The following AGBL1 variants were observed in gnomAD, a reference collection of about 807,000 sequenced individuals.
The protein encoded by AGBL1 is AGBL carboxypeptidase 1.
Under a neutral mutation model 118.9 loss-of-function variants are expected in AGBL1, and 130 were observed. The observed-to-expected ratio is 1.09, with a 90% CI of 0.95 to 1.26. AGBL1 has a LOEUF of 1.26. Ranked by LOEUF, AGBL1 falls within the 50% of genes most tolerant of loss-of-function variation. The pLI, the probability that AGBL1 is intolerant of heterozygous loss-of-function variation, is 0.00. For missense variants in AGBL1, 1,584 were observed against 1,298.1 expected (o/e 1.22, Z -3.38); for synonymous variants, 555 against 478.9 (o/e 1.16, Z -2.08).
intron 18 of AGBL1, among the ~76,000 whole-genome samples, chr15:86,433,266 CTTTTTTTTTT>C (rs59417397): frequency 8.4e-4 from 63 of 74,898 alleles, no homozygotes; most frequent in African/African-American, 1.7e-3. Context: ...CCTCCTTCTT[CTTTTTTTTTT>C]TTTTTTTTTT....
At chr15:86,112,671 C>T (rs1178016449) in intron 1 of AGBL1, among the ~76,000 whole-genome samples, 2 of 152,280 alleles carry the variant, frequency 1.3e-5, no homozygotes, top group South Asian at 2.1e-4. Context: ...ATTTCTAAAT[C>T]GCCAATCCAG....
intron 21 of AGBL1, among the ~76,000 whole-genome samples, chr15:86,658,058 C>CAT (rs929055206): frequency 2.0e-4 from 31 of 151,466 alleles, no homozygotes; most frequent in African/African-American, 7.0e-4. Flanking sequence ...ATTGTATATG[C>CAT]ATATATATAT....
intron 21 of AGBL1, among the ~76,000 whole-genome samples, chr15:86,663,169 C>T (rs569138356): frequency 1.8e-4 from 28 of 152,274 alleles, no homozygotes; most frequent in South Asian, 2.1e-4. Flanking sequence ...ACTTCTCTAT[C>T]CTATTCTTCC....
At chr15:86,581,076 A>C (rs1314554229) in intron 21 of AGBL1, among the ~76,000 whole-genome samples, 6 of 152,154 alleles carry the variant, frequency 3.9e-5, no homozygotes, top group Non-Finnish European at 8.8e-5. Flanking sequence ...CCAAAAGGGG[A>C]GTTACTAAGT....
chr15:86,954,525 A>C (rs987043610), intron 23 of AGBL1, among the ~76,000 whole-genome samples: 1 of 152,172 alleles, frequency 6.6e-6, no homozygotes, highest in East Asian at 1.9e-4. Flanking sequence ...TGGATGCCAT[A>C]ATCCTAAGTG....
chr15:86,994,017 G>A (rs573792427), intron 24 of AGBL1, among the ~76,000 whole-genome samples: 5 of 152,114 alleles, frequency 3.3e-5, no homozygotes, highest in East Asian at 3.9e-4. Context: ...ACGTCACAAC[G>A]CTTCATTCAG....
intron 21 of AGBL1, among the ~76,000 whole-genome samples, chr15:86,618,145 A>G (rs1490189081): frequency 1.3e-5 from 2 of 152,212 alleles, no homozygotes; most frequent in African/African-American, 2.4e-5. Flanking sequence ...TTTAATTCCA[A>G]ACTATGCAGG....
At chr15:86,106,562 C>A (rs551131040) in intron 1 of AGBL1, among the ~76,000 whole-genome samples, 3 of 152,326 alleles carry the variant, frequency 2.0e-5, no homozygotes, top group Non-Finnish European at 2.9e-5. Context: ...ATGCTACTGA[C>A]TAAACATCTT....
chr15:87,010,288 C>T (rs117231783), intron 24 of AGBL1, among the ~76,000 whole-genome samples: 297 of 152,232 alleles, frequency 2.0e-3, no homozygotes, highest in East Asian at 8.1e-3. Context: ...CTTCACCTGC[C>T]GCCCTCCATG....
chr15:86,255,103 G>A (rs1005843748), intron 7 of AGBL1, among the ~76,000 whole-genome samples: 1 of 152,040 alleles, frequency 6.6e-6, no homozygotes, highest in Non-Finnish European at 1.5e-5. Flanking sequence ...ACATACCTAG[G>A]TTCCAAAATG....
At chr15:86,175,790 G>A (rs950036546) in intron 5 of AGBL1, among the ~76,000 whole-genome samples, 17 of 151,984 alleles carry the variant, frequency 1.1e-4, no homozygotes, top group East Asian at 3.9e-4. Context: ...TTAATTTCAC[G>A]TATTTCCATA....
rs566056110 is a variant in AGBL1 at position 86,304,430 on chromosome 15, C to T, written c.2374+9022C>T. On this transcript the variant is annotated intron_variant, in intron 17 of 22. Coordinates refer to ENST00000614907, the MANE Select transcript of AGBL1 (RefSeq NM_001386094.1). ...GATATCTAATGTTGTTCCCCTACTC[C>T]GAATCTCTTTATCACATGACCTTGC... Among the ~76,000 whole-genome samples the T allele has an allele frequency of 4.9e-4, 74 of 152,302 alleles. 1 individual carries two copies. Among genetic ancestry groups the T allele is most frequent in the African/African-American group, 1.6e-3 (65 of 41,552 alleles).
At chr15:86,823,734 C>A (rs898503298) in intron 22 of AGBL1, among the ~76,000 whole-genome samples, 3 of 152,076 alleles carry the variant, frequency 2.0e-5, no homozygotes, top group African/African-American at 7.2e-5. Context: ...TAGGAGAAAT[C>A]ACCTGAGAAT....
At chr15:86,782,773 T>G (rs1414168893) in intron 22 of AGBL1, among the ~76,000 whole-genome samples, 1 of 152,246 alleles carries the variant, frequency 6.6e-6, no homozygotes, top group Non-Finnish European at 1.5e-5. Flanking sequence ...TGTTGAGATT[T>G]GCTGAAACTT....
At chr15:86,943,072 A>G (rs749930625) in intron 23 of AGBL1, among the ~76,000 whole-genome samples, 20 of 152,196 alleles carry the variant, frequency 1.3e-4, no homozygotes. Context: ...TGGAACCAAG[A>G]TTCCTATAAG....
chr15:86,654,913 C>T (rs2085438603), intron 21 of AGBL1, among the ~76,000 whole-genome samples: 1 of 152,142 alleles, frequency 6.6e-6, no homozygotes, highest in Admixed American at 6.6e-5. Context: ...TGGAATCTCT[C>T]TCAGTAGGGT....
At chr15:86,830,341 G>A (rs969116322) in intron 22 of AGBL1, among the ~76,000 whole-genome samples, 1 of 151,832 alleles carries the variant, frequency 6.6e-6, no homozygotes, top group African/African-American at 2.4e-5. Flanking sequence ...CCATGTATTA[G>A]TTTTGCCTGT....
chr15:86,305,067 C>T (rs2141809840), intron 17 of AGBL1: 1 of 152,160 alleles, frequency 6.6e-6, no homozygotes, highest in East Asian at 1.9e-4. Context: ...CAATGTTTCT[C>T]TTTCAGGATC....
At chr15:87,009,448 C>T (rs1005086216) in intron 24 of AGBL1, among the ~76,000 whole-genome samples, 4 of 152,224 alleles carry the variant, frequency 2.6e-5, no homozygotes, top group African/African-American at 7.2e-5. Flanking sequence ...AAGTTTGCTG[C>T]AGGAGCAGGG....
Sources: allele counts gnomAD v4.1 joint callset (sites outside exome capture counted in the v4.1 genomes callset), GRCh38; gene constraint gnomAD v4.1.1; transcripts MANE v1.5; gene names NCBI Gene and HGNC (gene_info 2026-07-23, HGNC 2026-07-21).